DOCK10: variants seen among roughly 807,000 people sequenced by gnomAD.
DOCK10 encodes dedicator of cytokinesis protein 10.
In DOCK10, 145 loss-of-function variants were observed where a neutral mutation model predicts 280.1. The ratio of observed to expected loss-of-function variants is 0.52; its 90% CI spans 0.45 to 0.59. The LOEUF (loss-of-function observed/expected upper bound fraction) is 0.59. Ranked by LOEUF, DOCK10 falls within the 20% of genes least tolerant of loss-of-function variation. The probability of loss-of-function intolerance (pLI) is 0.00; values close to 1 mark genes in which losing one functional copy is unlikely to be tolerated. For missense variants in DOCK10, 2,368 were observed against 2,651.7 expected (o/e 0.89, Z 2.35); for synonymous variants, 915 against 942.2 (o/e 0.97, Z 0.53).
intron 1 of DOCK10, among the ~76,000 whole-genome samples, chr2:224,974,589 C>T (rs1291890987): frequency 6.6e-6 from 1 of 151,460 alleles, no homozygotes; most frequent in East Asian, 1.9e-4. Flanking sequence ...AGAAACAAAA[C>T]CCCAAACAAG....
chr2:225,035,542 T>TGA (rs1415059109), intron 1 of DOCK10, among the ~76,000 whole-genome samples: 1,196 of 49,970 alleles, frequency 0.024, 80 homozygotes, highest in African/African-American at 0.039. Context: ...ATGATATATA[T>TGA]TATATATATA....
In DOCK10 at chr2:224,796,398, G is replaced by T. The variant is rs375365977; in HGVS notation, c.4856C>A (p.Ala1619Asp). 6.4e-7 allele frequency: 1 copy of T among 1,567,488 alleles called. No individual in the cohort carries two copies. The highest frequency in any genetic ancestry group is 8.7e-7 in the Non-Finnish European group (1 of 1,154,932). The change falls in exon 44 of 56, where the codon GCC becomes GAC. Residue 1619 changes from alanine to aspartate, a missense_variant. This residue lies in a region of DOCK10 where 1,159 missense variants were observed against 1,400.8 expected (regional missense o/e 0.83). Coordinates refer to ENST00000258390, the MANE Select transcript of DOCK10 (RefSeq NM_014689.3). ...QLIKAVSQLI[A>D]DAGIGGSRFQ... ...CCGAGAGCCTCCAATCCCAGCATCG[G>T]CTATTAACTGGCTCACAGCTTTGAT...
At chr2:224,915,399 T>G (rs1475344569) in intron 3 of DOCK10, among the ~76,000 whole-genome samples, 1 of 152,232 alleles carries the variant, frequency 6.6e-6, no homozygotes, top group African/African-American at 2.4e-5. Flanking sequence ...AGTCTGCATT[T>G]TTTCTTTTTT....
intron 1 of DOCK10, among the ~76,000 whole-genome samples, chr2:225,029,866 A>G (rs1690028737): frequency 2.0e-5 from 3 of 152,256 alleles, no homozygotes; most frequent in Admixed American, 2.0e-4. Flanking sequence ...ATGTAAGGCC[A>G]GGAGAGGTGG....
Position 224,856,846 on chromosome 2 carries a change from TA to T in DOCK10, c.1808+13del, listed in dbSNP as rs750422078. ...CTGATTTATGTTAATTTCGAGAGTA[TA>T]AAAAAAACATACCTTCTATAATCTG... is the stretch of plus-strand genomic sequence containing the variant. On this transcript the variant is annotated intron_variant, in intron 15 of 55. Transcript: ENST00000258390. The T allele has an allele frequency of 6.1e-5, 97 of 1,590,038 alleles. No individual in the cohort carries two copies. Among genetic ancestry groups the T allele is most frequent in the Admixed American group, 2.5e-4 (14 of 56,434 alleles).
chr2:224,994,096 T>C (rs1044881132), intron 1 of DOCK10, among the ~76,000 whole-genome samples: 2 of 152,220 alleles, frequency 1.3e-5, no homozygotes, highest in Non-Finnish European at 2.9e-5. Flanking sequence ...TATATCGCTT[T>C]GTAATTCATT....
chr2:224,921,112 A>AAAAAAAAAATATATAT, intron 2 of DOCK10, among the ~76,000 whole-genome samples: 9 of 54,412 alleles, frequency 1.7e-4, no homozygotes, highest in Non-Finnish European at 2.4e-4. Context: ...AAAAAAAAAA[A>AAAAAAAAAATATATAT]ATATATATAT....
rs930630132 is a variant in DOCK10 at position 224,937,240 on chromosome 2, C to T, written c.124-5572G>A. On this transcript the variant is annotated intron_variant, in intron 1 of 55. Transcript: ENST00000258390. ...TTCAGGATTTCTTACCTACCAGCTA[C>T]GTAACTTTGACAAGTCATTTGCAAC... Among the ~76,000 whole-genome samples, 5 of 152,126 alleles carry T rather than the reference C, an allele frequency of 3.3e-5. No individual in the cohort carries two copies. The East Asian group carries it at 7.7e-4, about 23-fold the overall frequency.
Position 224,795,018 on chromosome 2 carries a change from T to C in DOCK10, c.5015A>G (p.Lys1672Arg). 6.2e-7 allele frequency: 1 copy of C among 1,613,948 alleles called. No homozygotes were observed. Among genetic ancestry groups the C allele is most frequent in the Non-Finnish European group, 8.5e-7 (1 of 1,179,860 alleles). The change falls in exon 45 of 56, where the codon AAG becomes AGG. Residue 1672 changes from lysine (K) to arginine (R), a missense_variant. Transcript: ENST00000258390. ...RTVLMATAQM[K>R]EHEKDPEMLV... ...CATCTCGGGGTCCTTCTCGTGCTCC[T>C]TCATCTGAGCTGTGGCCATCAAAAC...
At chr2:224,867,563 G>A (rs540908829) in intron 11 of DOCK10, among the ~76,000 whole-genome samples, 2 of 152,330 alleles carry the variant, frequency 1.3e-5, no homozygotes, top group African/African-American at 4.8e-5. Flanking sequence ...TGAGAAGAAG[G>A]GGACATTTCT....
At position 224,814,482 on chromosome 2, in the gene DOCK10, C is replaced by T. The variant is rs1386606593; in HGVS notation, c.3365-118G>A. 2.1e-5 allele frequency: 10 copies of T among 480,890 alleles called. 1 individual carries two copies. The South Asian group carries it at 5.6e-4, about 27-fold the overall frequency. 29.8% of individuals were successfully genotyped at this position (480,890 alleles called of 1,614,324 possible). A position where few individuals can be genotyped will look rare whatever the true frequency, so the allele number is the denominator to read the frequency against. ...AACTATATTATTTAAAAATGTGAGT[C>T]TTCAGTATTGCCAGTTTTCAAGGAG... On this transcript the variant is annotated intron_variant, in intron 30 of 55. Transcript: ENST00000258390.
At chr2:224,976,643 G>A (rs17199452) in intron 1 of DOCK10, among the ~76,000 whole-genome samples, 6,223 of 150,856 alleles carry the variant, frequency 0.041, 190 homozygotes, top group Middle Eastern at 0.079. Flanking sequence ...GTATCTTGTC[G>A]GGGATAACAG....
chr2:224,898,832 C>T (rs1418672178), intron 3 of DOCK10, among the ~76,000 whole-genome samples: 3 of 152,178 alleles, frequency 2.0e-5, no homozygotes, highest in Non-Finnish European at 4.4e-5. Flanking sequence ...GCCTTGGCCT[C>T]CAAAAGTGCT....
At position 224,806,113 on chromosome 2, in the gene DOCK10, A is replaced by C; in HGVS notation, c.3814+13T>G. ...AGTGTTAAAAATAAGTGTTCTCAGA[A>C]GATCTCAAGTACCTGCTATGGAATT... is the stretch of plus-strand genomic sequence containing the variant. On this transcript the variant is annotated intron_variant, in intron 34 of 55. Transcript: ENST00000258390. 1 of 1,488,952 alleles carries C rather than the reference A, an allele frequency of 6.7e-7. No homozygotes were observed. Among genetic ancestry groups the C allele is most frequent in the Non-Finnish European group, 9.3e-7 (1 of 1,073,648 alleles). The allele number at this position is 1,488,952 out of a possible 1,614,324, so 92.2% of individuals were successfully genotyped here. A position where few individuals can be genotyped will look rare whatever the true frequency, so the allele number is the denominator to read the frequency against.
chr2:224,897,903 T>A (rs1316678773), intron 3 of DOCK10, among the ~76,000 whole-genome samples: 1 of 152,190 alleles, frequency 6.6e-6, no homozygotes, highest in East Asian at 1.9e-4. Context: ...TGATGGCTTT[T>A]GAGACTCCTT....
chr2:224,933,156 T>C (rs1020234350), intron 1 of DOCK10, among the ~76,000 whole-genome samples: 3 of 152,188 alleles, frequency 2.0e-5, no homozygotes, highest in East Asian at 1.9e-4. Flanking sequence ...CTGTGAGACA[T>C]TGAGTATTTT....
chr2:224,902,217 A>C (rs952085454), intron 3 of DOCK10, among the ~76,000 whole-genome samples: 1 of 152,192 alleles, frequency 6.6e-6, no homozygotes, highest in Non-Finnish European at 1.5e-5. Flanking sequence ...TCATCTCGTA[A>C]AAGGGTTGAT....
In DOCK10 at chr2:224,805,129, A is replaced by G; in HGVS notation, c.4052-5T>C. 1 of 1,610,616 alleles carries G rather than the reference A, an allele frequency of 6.2e-7. No individual in the cohort carries two copies. Among genetic ancestry groups the G allele is most frequent in the Non-Finnish European group, 8.5e-7 (1 of 1,178,752 alleles). ...GCCAGTAGGCAATCAGAGTCTCTAA[A>G]AGGAAACACCAGGTAGTATGAGAAT... On this transcript the variant is annotated splice_polypyrimidine_tract_variant and splice_region_variant and intron_variant, in intron 36 of 55. Coordinates refer to ENST00000258390, the MANE Select transcript of DOCK10 (RefSeq NM_014689.3). This position sits in a 1 kb window ranked among gnomAD's most constrained non-coding sequence, Gnocchi z 4.3.
At chr2:224,929,686 T>C (rs1037146745) in intron 2 of DOCK10, among the ~76,000 whole-genome samples, 1 of 152,220 alleles carries the variant, frequency 6.6e-6, no homozygotes, top group African/African-American at 2.4e-5. Flanking sequence ...GTATTGTCTG[T>C]TACGCTGCCA....
Sources: allele counts gnomAD v4.1 joint callset (sites outside exome capture counted in the v4.1 genomes callset), GRCh38; gene constraint gnomAD v4.1.1; regional missense constraint gnomAD v4.1.1; non-coding constraint Gnocchi (gnomAD v3.1); transcripts MANE v1.5; gene names NCBI Gene and HGNC (gene_info 2026-07-23, HGNC 2026-07-21).